Variants in SCUBE2 observed in about 807,000 individuals in gnomAD.
SCUBE2 encodes the protein signal peptide, CUB domain and EGF like domain containing 2.
In SCUBE2, 114 loss-of-function variants were observed where a neutral mutation model predicts 125.9. The observed-to-expected ratio is 0.91, with a 90% CI of 0.78 to 1.06. SCUBE2 has a LOEUF of 1.06. Among genes scored for constraint, SCUBE2 ranks in the 50% least tolerant of loss-of-function variants. SCUBE2 has a pLI of 0.00. For synonymous variants in SCUBE2, 459 were observed against 492.9 expected, an observed-to-expected ratio of 0.93 and a Z score of 0.91; for missense variants, 1,255 against 1,301.8, an observed-to-expected ratio of 0.96 and a Z score of 0.55.
At chr11:9,081,318 C>T (rs930254199) in intron 2 of SCUBE2, among the ~76,000 whole-genome samples, 1 of 152,094 alleles carries the variant, frequency 6.6e-6, no homozygotes, top group African/African-American at 2.4e-5. Flanking sequence ...AAACTCTGTG[C>T]CCATTTAACA....
intron 2 of SCUBE2, among the ~76,000 whole-genome samples, chr11:9,081,669 CA>C (rs144032326): frequency 0.028 from 4,049 of 143,036 alleles, 167 homozygotes; most frequent in African/African-American, 0.095. Flanking sequence ...AACAAACAAA[CA>C]AACAAAAAAA....
At chr11:9,021,243 T>C (rs756552525) in intron 22 of SCUBE2, 46 bp from the exon 23 acceptor site, 3 of 1,491,640 alleles carry the variant, frequency 2.0e-6, no homozygotes, top group Non-Finnish European at 2.7e-6. Context: ...TATTTAAATA[T>C]GCTGACATTT....
In SCUBE2 at chr11:9,020,160, G is replaced by A. The variant is rs1432472629; in HGVS notation, c.*885C>T. On this transcript the variant is annotated 3_prime_UTR_variant, in exon 23 of 23. Coordinates refer to ENST00000649792, the MANE Select transcript of SCUBE2 (RefSeq NM_001367977.2). The stretch of plus-strand genomic sequence containing the variant: ...TTGTGATGGGAAGCCCACTTGGGGA[G>A]TAGAACCCTTGGCAATACCGACTCA... 6.6e-6 allele frequency among the ~76,000 whole-genome samples: 1 copy of A among 152,210 alleles called. No individual in the cohort carries two copies.
chr11:9,056,256 G>A (rs1590083443), intron 9 of SCUBE2, among the ~76,000 whole-genome samples: 2 of 152,194 alleles, frequency 1.3e-5, no homozygotes, highest in South Asian at 4.1e-4. Flanking sequence ...TAAGCTACAG[G>A]TGCTAGCTAT....
intron 2 of SCUBE2, among the ~76,000 whole-genome samples, chr11:9,084,148 C>T (rs1221574725): frequency 3.3e-5 from 5 of 152,064 alleles, no homozygotes; most frequent in South Asian, 2.1e-4. Flanking sequence ...TGTTGTGGTA[C>T]CAGAAAGTTA....
At chr11:9,054,726 T>TATATATATATATATA (rs1491239911) in intron 10 of SCUBE2, among the ~76,000 whole-genome samples, 24 of 28,374 alleles carry the variant, frequency 8.5e-4, no homozygotes, top group Admixed American at 1.2e-3. Context: ...TATATATATA[T>TATATATATATATATA]TTTTTTTTTT....
chr11:9,029,904 G>A lies in SCUBE2; in HGVS notation c.2483C>T (p.Thr828Ile), dbSNP rs781659393. 2.5e-5 allele frequency: 41 copies of A among 1,614,062 alleles called. No individual in the cohort carries two copies. Among genetic ancestry groups the A allele is most frequent in the Non-Finnish European group, 4.2e-6 (5 of 1,180,040 alleles). ...GNTTTDFDGS[T>I]NITQCKNRRC... ...CCTACTTTTACACTGGGTTATGTTT[G>A]TGGAGCCATCAAAGTCAGTCGTAGT... is the stretch of plus-strand genomic sequence containing the variant. The change falls in exon 19 of 23, where the codon ACA becomes ATA. Residue 828 changes from threonine (T) to isoleucine (I), a missense_variant. By Grantham distance (89) the Thr-to-Ile change is moderately conservative. Around this residue, in one of 3 missense-constraint regions of SCUBE2, gnomAD observed 515 missense variants for 515.7 expected, o/e 1.00. Coordinates refer to ENST00000649792, the MANE Select transcript of SCUBE2 (RefSeq NM_001367977.2).
intron 3 of SCUBE2, among the ~76,000 whole-genome samples, chr11:9,076,882 C>G (rs185145444): frequency 6.6e-6 from 1 of 152,130 alleles, no homozygotes; most frequent in Non-Finnish European, 1.5e-5. Flanking sequence ...GAGGATGAGC[C>G]GTGCTGGAAC....
At chr11:9,039,539 A>G (rs905575690) in intron 16 of SCUBE2, among the ~76,000 whole-genome samples, 1 of 152,222 alleles carries the variant, frequency 6.6e-6, no homozygotes, top group Non-Finnish European at 1.5e-5. Flanking sequence ...TGCGGACACT[A>G]GGAAGGCACG....
chr11:9,074,673 C>T (rs1031352775), intron 3 of SCUBE2, 58 bp from the exon 4 acceptor site: 2 of 1,597,622 alleles, frequency 1.3e-6, no homozygotes, highest in Admixed American at 1.7e-5. Context: ...CCCCACCTCA[C>T]CCAGCAGCTC....
At chr11:9,062,653 G>A (rs1320594377) in intron 7 of SCUBE2, among the ~76,000 whole-genome samples, 1 of 151,958 alleles carries the variant, frequency 6.6e-6, no homozygotes, top group Non-Finnish European at 1.5e-5. Context: ...TTCCTCAGGG[G>A]GACAAGAAAA....
intron 1 of SCUBE2, among the ~76,000 whole-genome samples, chr11:9,090,989 C>T (rs137887007): frequency 1.3e-5 from 2 of 152,288 alleles, no homozygotes; most frequent in Non-Finnish European, 2.9e-5. Context: ...CTTGCCGGCC[C>T]CCAAAGAAAG....
intron 7 of SCUBE2, among the ~76,000 whole-genome samples, chr11:9,065,619 A>C (rs961079617): frequency 6.6e-6 from 1 of 152,240 alleles, no homozygotes; most frequent in Non-Finnish European, 1.5e-5. Context: ...ACAGAGCCTC[A>C]GGGCAGTTTG....
chr11:9,054,699 GTGTATATATATATA>G (rs1467071288), intron 10 of SCUBE2, among the ~76,000 whole-genome samples: 5 of 44,710 alleles, frequency 1.1e-4, no homozygotes, highest in East Asian at 1.2e-3. Flanking sequence ...CAAAGCACTA[GTGTATATATATATA>G]TATATATATA....
intron 2 of SCUBE2, among the ~76,000 whole-genome samples, chr11:9,088,109 C>A (rs932255084): frequency 6.6e-6 from 1 of 152,220 alleles, no homozygotes; most frequent in African/African-American, 2.4e-5. Context: ...TACTCAGAGG[C>A]CACAGTATGA....
Position 9,053,639 on chromosome 11 carries a change from A to G in SCUBE2, c.1328T>C (p.Val443Ala). ...YKLHWNKKDC[V>A]EVKGLLPTSV... ...GTCTGTGCCTCGGTTCCCCTTACCC[A>G]CACAGTCTTTTTTATTCCAGTGGAG... The change falls in exon 11 of 23, where the codon GTG becomes GCG. Residue 443 changes from valine (V) to alanine (A), a missense_variant and splice_region_variant. By Grantham distance (64) the Val-to-Ala change is moderately conservative (BLOSUM62 0). This residue lies in a region of SCUBE2 where 378 missense variants were observed against 463.1 expected (regional missense o/e 0.82). Coordinates refer to ENST00000649792, the MANE Select transcript of SCUBE2 (RefSeq NM_001367977.2). The G allele has an allele frequency of 6.2e-7, 1 of 1,613,926 alleles. No homozygotes were observed. The highest frequency in any genetic ancestry group is 2.2e-5 in the East Asian group (1 of 44,882).
At chr11:9,047,236 C>T (rs538248618) in intron 16 of SCUBE2, 120 bp downstream of exon 16, 17 of 979,238 alleles carry the variant, frequency 1.7e-5, no homozygotes, top group East Asian at 1.3e-4. Flanking sequence ...AAGCACTGCC[C>T]GGAGTGTTCT....
chr11:9,027,275 A>T, intron 20 of SCUBE2, 89 bp downstream of exon 20: 1 of 1,280,272 alleles, frequency 7.8e-7, no homozygotes, highest in Non-Finnish European at 1.1e-6. Flanking sequence ...GTGACGTTCT[A>T]GGCCTGCCTC....
intron 9 of SCUBE2, among the ~76,000 whole-genome samples, chr11:9,057,728 T>C (rs1859223884): frequency 6.6e-6 from 1 of 152,100 alleles, no homozygotes; most frequent in Admixed American, 6.5e-5. Flanking sequence ...AGACGGGGTT[T>C]TGCCGTGTTG....
Sources: allele counts gnomAD v4.1 joint callset (sites outside exome capture counted in the v4.1 genomes callset), GRCh38; gene constraint gnomAD v4.1.1; regional missense constraint gnomAD v4.1.1; transcripts MANE v1.5; gene names NCBI Gene and HGNC (gene_info 2026-07-23, HGNC 2026-07-21).